ARSG: variants seen among roughly 807,000 people sequenced by gnomAD.
The protein encoded by ARSG is ASG.
A neutral mutation model predicts 50.5 loss-of-function variants in ARSG; 37 were observed. That is an observed-to-expected ratio of 0.73 (90% CI 0.56 to 0.96). The LOEUF (loss-of-function observed/expected upper bound fraction) is 0.96. ARSG is among the 50% of genes least tolerant of loss of function. The probability of loss-of-function intolerance (pLI) is 0.00; values close to 1 mark genes in which losing one functional copy is unlikely to be tolerated. For synonymous variants in ARSG, 225 were observed against 254.6 expected, an observed-to-expected ratio of 0.88 and a Z score of 1.11; for missense variants, 629 against 675.3, an observed-to-expected ratio of 0.93 and a Z score of 0.76.
chr17:68,430,628 TTTGA>T, the ARSG span, among the ~76,000 whole-genome samples: 2 of 152,128 alleles, frequency 1.3e-5, no homozygotes, highest in African/African-American at 2.4e-5. Context: ...TTGGGTGGTG[TTTGA>T]TTGTAGATAA....
downstream of ARSG, among the ~76,000 whole-genome samples, chr17:68,424,754 G>A (rs1424902538): frequency 1.3e-5 from 2 of 152,192 alleles, no homozygotes; most frequent in African/African-American, 4.8e-5. Context: ...GCGCACATCT[G>A]TAATTGCAGC....
chr17:68,428,877 T>C, the ARSG span: 6 of 1,614,120 alleles, frequency 3.7e-6, no homozygotes, highest in African/African-American at 2.7e-5. Flanking sequence ...AGGATCCAAA[T>C]TGTACATATA....
intron 2 of ARSG, among the ~76,000 whole-genome samples, chr17:68,318,632 G>A (rs1299350756): frequency 6.6e-6 from 1 of 152,224 alleles, no homozygotes; most frequent in Non-Finnish European, 1.5e-5. Context: ...GCAGGTGACA[G>A]CACACTGTAA....
the ARSG span, chr17:68,450,657 A>C: frequency 1.3e-6 from 2 of 1,523,710 alleles, no homozygotes; most frequent in Admixed American, 2.1e-5. Flanking sequence ...ATTGATCTTG[A>C]AAGATGTCCA....
chr17:68,355,744 G>C (rs1011005500), intron 5 of ARSG, among the ~76,000 whole-genome samples: 2 of 151,146 alleles, frequency 1.3e-5, no homozygotes, highest in Non-Finnish European at 2.9e-5. Flanking sequence ...GTCTGGCCAT[G>C]AGCTTGTTTT....
chr17:68,357,181 A>G (rs1599861820), intron 6 of ARSG, among the ~76,000 whole-genome samples: 1 of 152,180 alleles, frequency 6.6e-6, no homozygotes, highest in Non-Finnish European at 1.5e-5. Flanking sequence ...AGGATGTATT[A>G]CTTTTCCATT....
At chr17:68,424,084 C>T (rs577576072), downstream of ARSG, among the ~76,000 whole-genome samples, 3 of 152,240 alleles carry the variant, frequency 2.0e-5, no homozygotes, top group East Asian at 3.9e-4. Flanking sequence ...TGCAGAAGAA[C>T]GCCCTTTAAG....
At chr17:68,429,278 G>T in the ARSG span, among the ~76,000 whole-genome samples, 1 of 152,190 alleles carries the variant, frequency 6.6e-6, no homozygotes, top group Admixed American at 6.5e-5. Context: ...AGACAGAAAG[G>T]GGGTAAATGG....
At chr17:68,268,932 A>G in intron 1 of ARSG, 3 of 1,472,852 alleles carry the variant, frequency 2.0e-6, no homozygotes, top group Non-Finnish European at 2.7e-6. Flanking sequence ...AAAACAAAAC[A>G]AAACAAAAGC....
intron 2 of ARSG, among the ~76,000 whole-genome samples, chr17:68,313,362 G>T (rs2076940564): frequency 6.6e-6 from 1 of 152,188 alleles, no homozygotes; most frequent in African/African-American, 2.4e-5. Context: ...CTCTGACAGA[G>T]AATCCATTCC....
chr17:68,307,650 G>A lies in ARSG; in HGVS notation c.157G>A (p.Ala53Thr). ...ADDMGWGDLG[A>T]NWAETKDTAN... ...TGACATGGGGTGGGGTGACCTGGGA[G>A]CAAACTGGGCAGAAACAAAGGACAC... The change falls in exon 2 of 12, where the codon GCA becomes ACA. Residue 53 changes from alanine (A) to threonine (T), a missense_variant. Transcript: ENST00000621439. 6.2e-7 allele frequency: 1 copy of A among 1,612,470 alleles called. No individual in the cohort carries two copies. Among genetic ancestry groups the A allele is most frequent in the East Asian group, 2.2e-5 (1 of 44,880 alleles).
chr17:68,261,319 T>A (rs1157196495), intron 1 of ARSG, among the ~76,000 whole-genome samples: 16 of 152,160 alleles, frequency 1.1e-4, no homozygotes, highest in African/African-American at 3.9e-4. Flanking sequence ...AACAAAGAAC[T>A]CCTACCCTAA....
chr17:68,374,944 T>A (rs1941757951), intron 8 of ARSG, among the ~76,000 whole-genome samples: 1 of 152,208 alleles, frequency 6.6e-6, no homozygotes, highest in African/African-American at 2.4e-5. Context: ...TCCTTCCTCC[T>A]GTAAGCATTC....
At chr17:68,337,417 C>T (rs1398639828) in intron 2 of ARSG, among the ~76,000 whole-genome samples, 1 of 151,978 alleles carries the variant, frequency 6.6e-6, no homozygotes, top group East Asian at 1.9e-4. Flanking sequence ...ATTCCAACAT[C>T]TTAGATGTGG....
At chr17:68,314,959 A>G (rs1418665246) in intron 2 of ARSG, among the ~76,000 whole-genome samples, 1 of 152,190 alleles carries the variant, frequency 6.6e-6, no homozygotes, top group Non-Finnish European at 1.5e-5. Flanking sequence ...CAACACCTTT[A>G]TTTGAATCAA....
Position 68,391,821 on chromosome 17 carries a change from GT to G in ARSG, c.1092-3251del, listed in dbSNP as rs1238278878. The stretch of plus-strand genomic sequence containing the variant: ...ACTTTGCATCAGAGTGGGGTGCCAG[GT>G]CCTGGAGCTTGTTTCTTAAGAGATA... On this transcript the variant is annotated intron_variant, in intron 9 of 11. Transcript: ENST00000621439. 2.4e-4 allele frequency among the ~76,000 whole-genome samples: 36 copies of G among 152,300 alleles called. 1 individual carries two copies. Among genetic ancestry groups the G allele is most frequent in the South Asian group, 1.0e-3 (5 of 4,820 alleles).
intron 7 of ARSG, 79 bp downstream of exon 7, chr17:68,368,823 GC>G: frequency 6.7e-7 from 1 of 1,483,778 alleles, no homozygotes; most frequent in South Asian, 1.2e-5. Flanking sequence ...GCAGAGTCTG[GC>G]CCCGTGATCC....
chr17:68,419,564 G>A (rs1410206472), intron 11 of ARSG, among the ~76,000 whole-genome samples: 1 of 152,116 alleles, frequency 6.6e-6, no homozygotes, highest in African/African-American at 2.4e-5. Context: ...GTGACAGAGC[G>A]AGACTCCAAC....
chr17:68,332,243 T>C (rs1391007789), intron 2 of ARSG, among the ~76,000 whole-genome samples: 1 of 152,248 alleles, frequency 6.6e-6, no homozygotes, highest in Admixed American at 6.5e-5. Flanking sequence ...AATTCAGCGA[T>C]ATTTCTCCTA....
Sources: gnomAD v4.1 joint callset for allele counts (sites outside exome capture counted in the v4.1 genomes callset) on GRCh38, gnomAD v4.1.1 for gene constraint, MANE v1.5 for transcripts, NCBI Gene and HGNC (gene_info 2026-07-23, HGNC 2026-07-21) for gene names.